TNRC18: variants seen among roughly 807,000 people sequenced by gnomAD.
TNRC18 encodes the protein trinucleotide repeat containing 18.
A neutral mutation model predicts 226.7 loss-of-function variants in TNRC18; 69 were observed. The observed-to-expected ratio is 0.30, with a 90% CI of 0.25 to 0.37. TNRC18 has a LOEUF of 0.37. TNRC18 is among the 10% of genes least tolerant of loss of function. The pLI, the probability that TNRC18 is intolerant of heterozygous loss-of-function variation, is 1.00. For missense variants in TNRC18, 4,754 were observed against 4,256.6 expected (o/e 1.12, Z -3.25); for synonymous variants, 2,449 against 1,927.6 (o/e 1.27, Z -7.09).
At chr7:5,323,425 T>G (rs1788581063) in intron 21 of TNRC18, among the ~76,000 whole-genome samples, 1 of 150,246 alleles carries the variant, frequency 6.7e-6, no homozygotes, top group Non-Finnish European at 1.5e-5. Context: ...CCTCCTAATG[T>G]GTGCACCCTG....
At chr7:5,421,020 G>A (rs745486315) in intron 2 of TNRC18, 40 bp downstream of exon 2, 1 of 1,540,352 alleles carries the variant, frequency 6.5e-7, no homozygotes, top group African/African-American at 1.4e-5. Context: ...GGATCTCCCT[G>A]GGAAGACAGG....
At position 5,416,705 on chromosome 7, in the gene TNRC18, A is replaced by AAATT. The variant is rs958710826; in HGVS notation, c.187+4351_187+4354dup. On this transcript the variant is annotated intron_variant, in intron 2 of 29. Transcript: ENST00000430969. ...ACTCCGTCTCTACTAAAAATAAAAA[A>AAATT]AATTAGCTGGGTGTCGCGGCACACA... 1.7e-4 allele frequency among the ~76,000 whole-genome samples: 26 copies of AAATT among 148,960 alleles called. No individual in the cohort carries two copies. The East Asian group carries it at 5.0e-3, about 29-fold the overall frequency.
At position 5,309,383 on chromosome 7, in the gene TNRC18, G is replaced by C. The variant is rs749581558; in HGVS notation, c.8389-15C>G. 5 of 1,595,914 alleles carry C rather than the reference G, an allele frequency of 3.1e-6. No homozygotes were observed. The highest frequency in any genetic ancestry group is 4.3e-6 in the Non-Finnish European group (5 of 1,171,146). ...ATGCCACGCCGCTGCAAGGACACGT[G>C]TGTCACGGCACAGGCCCTGGCCCAG... On this transcript the variant is annotated splice_polypyrimidine_tract_variant and intron_variant, in intron 27 of 29. Coordinates refer to ENST00000430969, the MANE Select transcript of TNRC18 (RefSeq NM_001080495.3). The surrounding 1 kb of genome is among the most constrained non-coding windows in gnomAD (Gnocchi z 5.7).
intron 17 of TNRC18, among the ~76,000 whole-genome samples, chr7:5,347,211 A>G (rs1195252976): frequency 1.4e-5 from 2 of 146,004 alleles, no homozygotes; most frequent in Admixed American, 6.8e-5. Flanking sequence ...TTTTTGAGAT[A>G]GAGTCTCGCT....
chr7:5,388,537 C>G lies in TNRC18; in HGVS notation c.1287G>C (p.Lys429Asn). 1 of 1,317,596 alleles carries G rather than the reference C, an allele frequency of 7.6e-7. No individual in the cohort carries two copies. Among genetic ancestry groups the G allele is most frequent in the Non-Finnish European group, 9.6e-7 (1 of 1,037,322 alleles). The allele number at this position is 1,317,596 out of a possible 1,614,324, so 81.6% of individuals were successfully genotyped here. Residue 429 changes from lysine to asparagine, a missense_variant, in exon 5 of 30, where the codon AAG (lysine) becomes AAC (asparagine). Coordinates refer to ENST00000430969, the MANE Select transcript of TNRC18 (RefSeq NM_001080495.3). ...GCTTGAGCGAGCGGATGACCGAGTT[C>G]TTCTCGCGCAGGCCCTCGGGCCGGT... is the stretch of plus-strand genomic sequence containing the variant. The part of the protein sequence containing the change: ...PLDRPEGLRE[K>N]NSVIRSLKRP...
intron 2 of TNRC18, among the ~76,000 whole-genome samples, chr7:5,404,463 A>G (rs904364013): frequency 5.9e-5 from 9 of 152,250 alleles, no homozygotes; most frequent in Non-Finnish European, 1.3e-4. Context: ...ATTACAAAGA[A>G]GTATTGAAAC....
At chr7:5,310,995 C>T (rs1440926302) in intron 27 of TNRC18, among the ~76,000 whole-genome samples, 5 of 151,644 alleles carry the variant, frequency 3.3e-5, no homozygotes, top group East Asian at 1.9e-4. Context: ...CATGGATGCA[C>T]GTGCACGCAT....
Position 5,388,672 on chromosome 7 carries a change from G to A in TNRC18, c.1152C>T (p.Arg384=), listed in dbSNP as rs1780016419. The part of the protein sequence containing the change: ...FVPSVEAFDE[R]PGPIQIASQA... ...GGGATGCGATCTGGATGGGCCCCGG[G>A]CGCTCGTCGAAGGCCTCCACGGAAG... Residue 384 remains arginine, a synonymous_variant, in exon 5 of 30, where the codon CGC becomes CGT. Transcript: ENST00000430969. The A allele has an allele frequency of 1.6e-6, 2 of 1,269,026 alleles. No individual in the cohort carries two copies. The highest frequency in any genetic ancestry group is 2.0e-6 in the Non-Finnish European group (2 of 1,004,994). The allele number at this position is 1,269,026 out of a possible 1,614,324, so 78.6% of individuals were successfully genotyped here.
chr7:5,348,876 A>C (rs1005320026), intron 17 of TNRC18, among the ~76,000 whole-genome samples: 3 of 147,370 alleles, frequency 2.0e-5, no homozygotes, highest in African/African-American at 7.5e-5. Flanking sequence ...AAGCAGGCTA[A>C]GTGTAGGCAG....
intron 9 of TNRC18, 25 bp downstream of exon 9, chr7:5,376,009 C>G: frequency 6.4e-7 from 1 of 1,568,302 alleles, no homozygotes; most frequent in South Asian, 1.2e-5. Flanking sequence ...CCAGAGGGAG[C>G]TGCGCCTCAT....
At chr7:5,318,621 C>T (rs530144403) in intron 24 of TNRC18, among the ~76,000 whole-genome samples, 7 of 148,492 alleles carry the variant, frequency 4.7e-5, no homozygotes, top group East Asian at 2.0e-4. Flanking sequence ...CACACACACA[C>T]GGAATTCCAG....
rs1767127662 is a variant in TNRC18, at chr7:5,387,864, C to T, written c.1960G>A (p.Asp654Asn). 2 of 1,598,266 alleles carry T rather than the reference C, an allele frequency of 1.3e-6. No homozygotes were observed. Among genetic ancestry groups the T allele is most frequent in the African/African-American group, 2.7e-5 (2 of 74,672 alleles). The change falls in exon 5 of 30, where the codon GAC (aspartate) becomes AAC (asparagine). Residue 654 changes from aspartate (D) to asparagine (N), a missense_variant. By Grantham distance (23) the Asp-to-Asn change is conservative. Transcript: ENST00000430969. ...AAGGGRQLKR[D>N]PERPESAKAF... ...TTGGCGCTCTCGGGCCTCTCGGGGT[C>T]CCGCTTCAGCTGCCGGCCGCCGCCC...
At chr7:5,345,517 G>GGGGGGGGGGGGCCCCCCCCCCCCCC in intron 18 of TNRC18, 45 bp downstream of exon 18, 8 of 377,738 alleles carry the variant, frequency 2.1e-5, no homozygotes, top group East Asian at 4.6e-5. Context: ...AATGGCGTCC[G>GGGGGGGGGGGGCCCCCCCCCCCCCC]CCCCTCCCAC....
At chr7:5,366,047 G>T (rs930083677) in intron 11 of TNRC18, among the ~76,000 whole-genome samples, 4 of 152,136 alleles carry the variant, frequency 2.6e-5, no homozygotes, top group Non-Finnish European at 5.9e-5. Context: ...TTGGCAGTGT[G>T]CAAAGTTCCA....
intron 2 of TNRC18, chr7:5,420,692 C>A (rs1424360638): frequency 2.0e-6 from 1 of 512,112 alleles, no homozygotes; most frequent in Admixed American, 2.3e-5. Flanking sequence ...GCTCGGGGAG[C>A]GGGTGTCTCG....
At chr7:5,418,095 G>A (rs1782303085) in intron 2 of TNRC18, among the ~76,000 whole-genome samples, 1 of 152,186 alleles carries the variant, frequency 6.6e-6, no homozygotes. Flanking sequence ...TGTGGGGGCA[G>A]GGAGAATAAA....
At chr7:5,398,863 A>T (rs1334011894) in intron 2 of TNRC18, among the ~76,000 whole-genome samples, 1 of 151,546 alleles carries the variant, frequency 6.6e-6, no homozygotes, top group Admixed American at 6.6e-5. Flanking sequence ...GCCTCGTGCG[A>T]TCCTCCTGCC....
intron 15 of TNRC18, among the ~76,000 whole-genome samples, chr7:5,358,937 A>G (rs909614034): frequency 6.6e-6 from 1 of 152,256 alleles, no homozygotes; most frequent in Non-Finnish European, 1.5e-5. Flanking sequence ...TGAAGAAATA[A>G]GAAGAATCAA....
intron 16 of TNRC18, among the ~76,000 whole-genome samples, chr7:5,355,940 G>A (rs1371684753): frequency 7.2e-5 from 11 of 152,084 alleles, no homozygotes; most frequent in Non-Finnish European, 1.6e-4. Flanking sequence ...CGAGGCAGGT[G>A]GATCACCTGA....
Sources: gnomAD v4.1 joint callset for allele counts (sites outside exome capture counted in the v4.1 genomes callset) on GRCh38, gnomAD v4.1.1 for gene constraint, Gnocchi (gnomAD v3.1) non-coding constraint, MANE v1.5 for transcripts, NCBI Gene and HGNC (gene_info 2026-07-23, HGNC 2026-07-21) for gene names.